The following DENND5B variants were observed in gnomAD, a reference collection of about 807,000 sequenced individuals.
The protein encoded by DENND5B is DENN domain containing 5B.
DENND5B carries 34 observed loss-of-function variants against 140.6 expected under a neutral mutation model. That is an observed-to-expected ratio of 0.24 (90% CI 0.18 to 0.32). The LOEUF is 0.32. Among genes scored for constraint, DENND5B ranks in the 10% least tolerant of loss-of-function variants. The probability of loss-of-function intolerance (pLI) is 1.00; values close to 1 mark genes in which losing one functional copy is unlikely to be tolerated. For synonymous variants in DENND5B, 551 were observed against 562.1 expected, an observed-to-expected ratio of 0.98 and a Z score of 0.28; for missense variants, 1,142 against 1,560.2, an observed-to-expected ratio of 0.73 and a Z score of 4.52.
intron 2 of DENND5B, among the ~76,000 whole-genome samples, chr12:31,487,926 C>T (rs1946372712): frequency 6.6e-6 from 1 of 152,028 alleles, no homozygotes; most frequent in Non-Finnish European, 1.5e-5. Context: ...AAGCACCAGG[C>T]TTAGTTCACC....
At chr12:31,574,825 C>T (rs1349988856) in intron 1 of DENND5B, among the ~76,000 whole-genome samples, 1 of 152,176 alleles carries the variant, frequency 6.6e-6, no homozygotes, top group Non-Finnish European at 1.5e-5. Context: ...TTCTAGTACA[C>T]ACAGCTTTCA....
chr12:31,483,345 T>C (rs1003191174), intron 2 of DENND5B, among the ~76,000 whole-genome samples: 2 of 152,190 alleles, frequency 1.3e-5, no homozygotes, highest in Admixed American at 1.3e-4. Context: ...CACATTGTAT[T>C]AGGTGAGTGC....
At chr12:31,458,007 C>G (rs1944861290) in intron 4 of DENND5B, among the ~76,000 whole-genome samples, 1 of 152,222 alleles carries the variant, frequency 6.6e-6, no homozygotes, top group African/African-American at 2.4e-5. Flanking sequence ...AGCCACCACG[C>G]CCAGCCGAAG....
At chr12:31,512,383 TA>T (rs1947457704) in intron 1 of DENND5B, among the ~76,000 whole-genome samples, 1 of 62,828 alleles carries the variant, frequency 1.6e-5, no homozygotes, top group Admixed American at 2.5e-4. Context: ...CACCCCTGGC[TA>T]ATTTTTTTTT....
intron 1 of DENND5B, among the ~76,000 whole-genome samples, chr12:31,577,710 CAAAAAAAA>C (rs35015214): frequency 5.7e-5 from 4 of 70,496 alleles, no homozygotes; most frequent in Non-Finnish European, 1.0e-4. Flanking sequence ...GACTCTGTCT[CAAAAAAAA>C]AAAAAAAAAA....
In DENND5B at chr12:31,452,392, T is replaced by G; in HGVS notation, c.1177A>C (p.Ile393Leu). 6.2e-7 allele frequency: 1 copy of G among 1,613,942 alleles called. No homozygotes were observed. Among genetic ancestry groups the G allele is most frequent in the Non-Finnish European group, 8.5e-7 (1 of 1,179,874 alleles). ...ACAAGAACCTCAGAGAGTTCTTGGA[T>G]AAAATCCACTTTATTGGGGAACTGT... ...FPQFPNKVDF[I>L]QELSEVLVQF... Residue 393 changes from isoleucine to leucine, a missense_variant, in exon 5 of 21, where the codon ATC becomes CTC. Physicochemically the swap from Ile to Leu is conservative, Grantham distance 5. Transcript: ENST00000389082.
intron 4 of DENND5B, 40 bp from the exon 5 acceptor site, chr12:31,452,516 G>T: frequency 6.5e-7 from 1 of 1,539,574 alleles, no homozygotes; most frequent in South Asian, 1.3e-5. Flanking sequence ...TAAAATAAAG[G>T]AATTGTATGT....
intron 8 of DENND5B, among the ~76,000 whole-genome samples, chr12:31,430,108 C>T (rs1279944355): frequency 1.3e-5 from 2 of 151,752 alleles, no homozygotes; most frequent in South Asian, 2.1e-4. Flanking sequence ...CTGCAGCCTC[C>T]GCCTCCCAGG....
chr12:31,547,807 C>T (rs1387520489), intron 1 of DENND5B, among the ~76,000 whole-genome samples: 1 of 152,064 alleles, frequency 6.6e-6, no homozygotes, highest in Non-Finnish European at 1.5e-5. Context: ...CGGGTTCAAG[C>T]AATTCTCCTG....
At chr12:31,391,675 C>T (rs1006171094) in intron 19 of DENND5B, among the ~76,000 whole-genome samples, 8 of 151,960 alleles carry the variant, frequency 5.3e-5, no homozygotes, top group Admixed American at 2.0e-4. Context: ...CTTTTTGAGA[C>T]ACGGTCTCAC....
chr12:31,418,282 CTTTTTT>C (rs66507414), intron 11 of DENND5B, among the ~76,000 whole-genome samples: 1 of 133,066 alleles, frequency 7.5e-6, no homozygotes, highest in Non-Finnish European at 1.6e-5. Context: ...TTTTTCTTTT[CTTTTTT>C]TTTTTTTTTT....
intron 1 of DENND5B, among the ~76,000 whole-genome samples, chr12:31,514,451 TG>T (rs1489552518): frequency 1.3e-5 from 2 of 152,200 alleles, no homozygotes; most frequent in Non-Finnish European, 2.9e-5. Context: ...CTACTGACTT[TG>T]TGTAAAGATT....
intron 4 of DENND5B, among the ~76,000 whole-genome samples, chr12:31,458,950 T>C (rs1010190650): frequency 4.6e-5 from 7 of 152,154 alleles, no homozygotes; most frequent in African/African-American, 1.7e-4. Context: ...CGGTGGCTCA[T>C]GCCTGTAATC....
At chr12:31,519,801 T>C (rs1411750790) in intron 1 of DENND5B, among the ~76,000 whole-genome samples, 2 of 152,232 alleles carry the variant, frequency 1.3e-5, no homozygotes, top group East Asian at 1.9e-4. Context: ...TTGAGCTATA[T>C]TGCACATACC....
intron 5 of DENND5B, among the ~76,000 whole-genome samples, chr12:31,448,850 A>C (rs1032095994): frequency 3.9e-5 from 5 of 129,868 alleles, no homozygotes; most frequent in Admixed American, 7.3e-5. Flanking sequence ...CATTTCCAAA[A>C]AAACAAACAA....
intron 5 of DENND5B, 29 bp downstream of exon 5, chr12:31,451,911 C>A: frequency 6.2e-7 from 1 of 1,609,224 alleles, no homozygotes; most frequent in South Asian, 1.1e-5. Flanking sequence ...CACTAATAAC[C>A]ACAAAAGGAA....
At chr12:31,435,110 C>A in intron 7 of DENND5B, among the ~76,000 whole-genome samples, 1 of 152,128 alleles carries the variant, frequency 6.6e-6, no homozygotes, top group Middle Eastern at 3.4e-3. Context: ...GCCCCAAACC[C>A]CGGATGAAGA....
intron 3 of DENND5B, among the ~76,000 whole-genome samples, chr12:31,475,782 A>G (rs1379996040): frequency 6.6e-6 from 1 of 151,878 alleles, no homozygotes; most frequent in Non-Finnish European, 1.5e-5. Flanking sequence ...CAGAAATAGG[A>G]GAGCTCAGGA....
At chr12:31,526,867 C>G (rs937573912) in intron 1 of DENND5B, among the ~76,000 whole-genome samples, 1 of 152,128 alleles carries the variant, frequency 6.6e-6, no homozygotes, top group Admixed American at 6.5e-5. Context: ...AAAGTTATTT[C>G]AAAATACTGT....
Sources: gnomAD v4.1 joint callset for allele counts (sites outside exome capture counted in the v4.1 genomes callset) on GRCh38, gnomAD v4.1.1 for gene constraint, MANE v1.5 for transcripts, NCBI Gene and HGNC (gene_info 2026-07-23, HGNC 2026-07-21) for gene names.